Variants in UIMC1 observed in about 807,000 individuals in gnomAD.
The protein encoded by UIMC1 is BRCA1-A complex subunit RAP80.
In UIMC1, 42 loss-of-function variants were observed where a neutral mutation model predicts 84.9. The ratio of observed to expected loss-of-function variants is 0.49; its 90% CI spans 0.39 to 0.64. The LOEUF is 0.64. UIMC1 is among the 30% of genes least tolerant of loss of function. UIMC1 has a pLI of 0.00. For missense variants in UIMC1, 825 were observed against 847.6 expected (o/e 0.97, Z 0.33); for synonymous variants, 281 against 293.0 (o/e 0.96, Z 0.42).
intron 3 of UIMC1, 89 bp downstream of exon 3, chr5:176,975,307 A>G (rs1173193108): frequency 2.3e-6 from 3 of 1,301,914 alleles, no homozygotes; most frequent in East Asian, 2.4e-5. Flanking sequence ...TCAGAGACCT[A>G]AGAATGCAAC....
chr5:177,020,533 C>T (rs1235320224), intron 1 of UIMC1, among the ~76,000 whole-genome samples: 1 of 152,212 alleles, frequency 6.6e-6, no homozygotes, highest in Non-Finnish European at 1.5e-5. Context: ...TGGGTTCACA[C>T]CATTCTCCTG....
intron 9 of UIMC1, 67 bp from the exon 10 acceptor site, chr5:176,943,555 AGAGACTCCAC>A: frequency 6.4e-7 from 1 of 1,554,788 alleles, no homozygotes; most frequent in Non-Finnish European, 8.7e-7. Context: ...ACGAACTGCA[AGAGACTCCAC>A]CCCATATTTC....
chr5:177,010,227 A>G (rs1005303173), upstream of UIMC1, among the ~76,000 whole-genome samples: 5 of 152,160 alleles, frequency 3.3e-5, no homozygotes, highest in African/African-American at 1.2e-4. Flanking sequence ...GAAAAAAGAA[A>G]TGAAACAGAT....
intron 6 of UIMC1, among the ~76,000 whole-genome samples, chr5:176,963,521 TAA>T (rs74389908): frequency 5.2e-4 from 68 of 129,916 alleles, no homozygotes; most frequent in African/African-American, 8.9e-4. Context: ...ACTCCATCTT[TAA>T]AAAAAAAAAA....
At chr5:177,016,223 G>T (rs144947826) in intron 1 of UIMC1, among the ~76,000 whole-genome samples, 3 of 151,912 alleles carry the variant, frequency 2.0e-5, no homozygotes, top group African/African-American at 7.2e-5. Flanking sequence ...AATTAGCCAG[G>T]CATGGTGGCT....
chr5:176,928,236 T>C (rs1014079157), intron 10 of UIMC1, among the ~76,000 whole-genome samples: 4 of 152,082 alleles, frequency 2.6e-5, no homozygotes, highest in African/African-American at 7.2e-5. Flanking sequence ...AACAGCAGAG[T>C]TGAGTAGCAG....
chr5:177,007,531 G>A (rs1168731190), upstream of UIMC1, among the ~76,000 whole-genome samples: 3 of 152,080 alleles, frequency 2.0e-5, no homozygotes, highest in Admixed American at 6.5e-5. Flanking sequence ...ATAAAACAAA[G>A]GAATCCTATA....
intron 8 of UIMC1, among the ~76,000 whole-genome samples, chr5:176,955,147 T>C (rs1343908232): frequency 6.6e-6 from 1 of 152,208 alleles, no homozygotes; most frequent in East Asian, 1.9e-4. Context: ...ATGCTTCATA[T>C]TATACAATGA....
rs549928329 is a variant in UIMC1 at position 176,984,033 on chromosome 5, G to A, written c.-8-1410C>T. ...TGGGAAGTGAGGAGCGCCTCTGCCC[G>A]GCCGCCCCGTCTGGGAAGTGAGGAG... On this transcript the variant is annotated intron_variant, in intron 1 of 14. Coordinates refer to ENST00000511320, the MANE Select transcript of UIMC1 (RefSeq NM_001199298.2). Among the ~76,000 whole-genome samples, 56 of 112,054 alleles carry A rather than the reference G, an allele frequency of 5.0e-4. No homozygotes were observed. The East Asian group carries it at 0.015, about 30-fold the overall frequency. 73.5% of individuals were successfully genotyped at this position (112,054 alleles called of 152,430 possible).
At chr5:176,914,373 G>A (rs771938515) in intron 10 of UIMC1, among the ~76,000 whole-genome samples, 1 of 152,146 alleles carries the variant, frequency 6.6e-6, no homozygotes, top group Non-Finnish European at 1.5e-5. Flanking sequence ...ATATGGCCAA[G>A]GACAAAACTG....
At chr5:176,906,176 C>T in intron 13 of UIMC1, 129 bp from the exon 14 acceptor site, 1 of 810,036 alleles carries the variant, frequency 1.2e-6, no homozygotes, top group South Asian at 1.6e-5. Context: ...CACAGATCCC[C>T]AATCCCCTAA....
At chr5:176,954,948 T>G (rs56717162) in intron 8 of UIMC1, among the ~76,000 whole-genome samples, 1,643 of 152,242 alleles carry the variant, frequency 0.011, 30 homozygotes, top group African/African-American at 0.037. Context: ...TTATAGGCTA[T>G]ACGAGACCTG....
chr5:177,002,627 C>T (rs1340297009), intron 1 of UIMC1, among the ~76,000 whole-genome samples: 1 of 152,062 alleles, frequency 6.6e-6, no homozygotes, highest in Admixed American at 6.6e-5. Flanking sequence ...CGGTGAAACC[C>T]CGTCTCTACT....
chr5:176,935,102 C>T lies in UIMC1; in HGVS notation c.1597+8233G>A, dbSNP rs1202716038. On this transcript the variant is annotated intron_variant, in intron 10 of 14. Coordinates refer to ENST00000511320, the MANE Select transcript of UIMC1 (RefSeq NM_001199298.2). ...CAAATAATTATTTTAGTAACACTCA[C>T]CAATAATTATTTGAGTTGAAAAAAA... Among the ~76,000 whole-genome samples, 3 of 152,314 alleles carry T rather than the reference C, an allele frequency of 2.0e-5. No homozygotes were observed. In the East Asian group the frequency reaches 5.8e-4, roughly 29 times the overall value.
At position 176,969,615 on chromosome 5, in the gene UIMC1, G is replaced by C; in HGVS notation, c.449C>G (p.Ser150Cys). 3 of 1,614,184 alleles carry C rather than the reference G, an allele frequency of 1.9e-6. No homozygotes were observed. Among genetic ancestry groups the C allele is most frequent in the South Asian group, 1.1e-5 (1 of 91,078 alleles). The change falls in exon 5 of 15, where the codon TCT becomes TGT. Residue 150 changes from serine (S) to cysteine (C), a missense_variant. Physicochemically the swap from Ser to Cys is moderately radical, Grantham distance 112 (BLOSUM62 -1). Transcript: ENST00000511320. ...SQSHQEKTTD[S>C]GLTEGIWQLV... ...GGGAGACATGCCTTCAGTGAGCCCA[G>C]AGTCTGTGGTTTTCTCTTGATGGGA...
intron 14 of UIMC1, chr5:176,905,749 A>G (rs1401826911): frequency 3.2e-6 from 2 of 626,564 alleles, no homozygotes; most frequent in African/African-American, 3.7e-5. Flanking sequence ...AGGTCAGAAA[A>G]CCAGGGTTGG....
At chr5:176,987,519 G>A (rs1413112609) in intron 1 of UIMC1, among the ~76,000 whole-genome samples, 1 of 151,844 alleles carries the variant, frequency 6.6e-6, no homozygotes, top group Non-Finnish European at 1.5e-5. Context: ...CAGGCATGGT[G>A]GTGCACACAG....
chr5:177,003,722 T>C (rs353495), intron 1 of UIMC1, among the ~76,000 whole-genome samples: 63,224 of 151,936 alleles, frequency 0.42, 13,451 homozygotes, highest in East Asian at 0.48. Context: ...ATAGCATGAG[T>C]AGTACTTGGC....
intron 1 of UIMC1, among the ~76,000 whole-genome samples, chr5:177,005,857 G>C (rs1775176383): frequency 6.6e-6 from 1 of 152,052 alleles, no homozygotes; most frequent in African/African-American, 2.4e-5. Flanking sequence ...TACTGCCCGG[G>C]ACTCGCGCCC....
Sources: allele counts gnomAD v4.1 joint callset (sites outside exome capture counted in the v4.1 genomes callset), GRCh38; gene constraint gnomAD v4.1.1; transcripts MANE v1.5; gene names NCBI Gene and HGNC (gene_info 2026-07-23, HGNC 2026-07-21).